LATS2: variants seen among roughly 807,000 people sequenced by gnomAD.
LATS2 encodes the protein serine/threonine-protein kinase LATS2.
Under a neutral mutation model 76.0 loss-of-function variants are expected in LATS2, and 24 were observed. That is an observed-to-expected ratio of 0.32 (90% CI 0.23 to 0.44). LATS2 has a LOEUF of 0.44. Ranked by LOEUF, LATS2 falls within the 20% of genes least tolerant of loss-of-function variation. The pLI is 1.00. For synonymous variants in LATS2, 692 were observed against 635.4 expected (o/e 1.09, Z -1.34); for missense variants, 1,286 against 1,481.2 (o/e 0.87, Z 2.16).
chr13:20,991,216 T>C lies in LATS2; in HGVS notation c.475+56A>G, dbSNP rs1025121422. On this transcript the variant is annotated intron_variant, in intron 3 of 7. Coordinates refer to ENST00000382592, the MANE Select transcript of LATS2 (RefSeq NM_014572.3). This position sits in a 1 kb window ranked among gnomAD's most constrained non-coding sequence, Gnocchi z 4.9. ...GGTTGGACCCCTCTGCACGTGGTTTTGTTGTCCTTAAGCCACAAACCATCT... is the reference window on the plus strand; with the variant it reads ...GGTTGGACCCCTCTGCACGTGGTTTCGTTGTCCTTAAGCCACAAACCATCT... The C allele has an allele frequency of 1.9e-6, 3 of 1,608,178 alleles. No individual in the cohort carries two copies. The highest frequency in any genetic ancestry group is 2.6e-6 in the Non-Finnish European group (3 of 1,176,472).
chr13:21,026,848 A>G lies in LATS2; in HGVS notation c.342+18837T>C, dbSNP rs550223790. Among the ~76,000 whole-genome samples the G allele has an allele frequency of 1.2e-4, 19 of 152,362 alleles. No individual in the cohort carries two copies. The South Asian group carries it at 3.9e-3, about 32-fold the overall frequency. ...TGCTTTACAATTCTATGTGAATTTT[A>G]AGAAAATTCCAATTGCTGTACATTC... On this transcript the variant is annotated intron_variant, in intron 2 of 7. Coordinates refer to ENST00000382592, the MANE Select transcript of LATS2 (RefSeq NM_014572.3).
chr13:21,008,072 T>A (rs1438137829), intron 2 of LATS2, among the ~76,000 whole-genome samples: 2 of 151,886 alleles, frequency 1.3e-5, no homozygotes, highest in African/African-American at 4.8e-5. Flanking sequence ...ACTTCTGTTT[T>A]AAAAGGCCCA....
chr13:21,012,224 A>G (rs1193195981), intron 2 of LATS2, among the ~76,000 whole-genome samples: 1 of 152,218 alleles, frequency 6.6e-6, no homozygotes, highest in Non-Finnish European at 1.5e-5. Flanking sequence ...ATGCATATCT[A>G]TATAGGACAC....
chr13:20,988,591 G>A lies in LATS2; in HGVS notation c.1189C>T (p.Arg397Trp), dbSNP rs1167109745. 1 of 1,589,396 alleles carries A rather than the reference G, an allele frequency of 6.3e-7. No homozygotes were observed. ...CTGCTGGGCACTGGGCAGTCAGGCCGGAAGGCCACGTGCGCGCGCGGCGGC... is the reference window on the plus strand; with the variant it reads ...CTGCTGGGCACTGGGCAGTCAGGCCAGAAGGCCACGTGCGCGCGCGGCGGC... The part of the protein sequence containing the change: ...EAPPRAHVAF[R>W]PDCPVPSRTN... Residue 397 changes from arginine to tryptophan, a missense_variant, in exon 4 of 8, where the codon CGG (arginine) becomes TGG (tryptophan). By Grantham distance (101) the Arg-to-Trp change is moderately radical. Transcript: ENST00000382592.
chr13:21,039,005 C>T (rs1020386737), intron 2 of LATS2, among the ~76,000 whole-genome samples: 10 of 152,106 alleles, frequency 6.6e-5, no homozygotes, highest in African/African-American at 2.2e-4. Flanking sequence ...AAACTAGGAG[C>T]AAGGCTTAAG....
chr13:21,010,201 A>AAAACAAAC (rs56383441), intron 2 of LATS2, among the ~76,000 whole-genome samples: 24,896 of 150,508 alleles, frequency 0.17, 2,928 homozygotes, highest in East Asian at 0.44. Context: ...CTCTGTCAAA[A>AAAACAAAC]AAACAAACAA....
chr13:21,058,896 T>C (rs1029967632), intron 1 of LATS2, among the ~76,000 whole-genome samples: 8 of 152,140 alleles, frequency 5.3e-5, no homozygotes, highest in African/African-American at 1.9e-4. Context: ...CGTTCTCATT[T>C]TGGAATATTT....
At chr13:21,034,417 C>G (rs1300013558) in intron 2 of LATS2, among the ~76,000 whole-genome samples, 1 of 152,130 alleles carries the variant, frequency 6.6e-6, no homozygotes, top group Non-Finnish European at 1.5e-5. Context: ...TGGGTCCTGA[C>G]CGGGGAGGTG....
chr13:21,016,892 A>C (rs1421746964), intron 2 of LATS2, among the ~76,000 whole-genome samples: 1 of 152,238 alleles, frequency 6.6e-6, no homozygotes, highest in Non-Finnish European at 1.5e-5. Context: ...CCTGTTGTTA[A>C]GTCCGGTTCC....
intron 3 of LATS2, 42 bp from the exon 4 acceptor site, chr13:20,989,346 G>T (rs112984747): frequency 7.5e-6 from 12 of 1,605,662 alleles, no homozygotes; most frequent in Non-Finnish European, 1.0e-5. Flanking sequence ...GAGTGGGTGT[G>T]ATCAGTGGGT....
intron 2 of LATS2, among the ~76,000 whole-genome samples, chr13:21,022,751 G>T (rs978153652): frequency 1.1e-4 from 16 of 152,070 alleles, no homozygotes; most frequent in African/African-American, 3.9e-4. Flanking sequence ...ATGAGAGTGG[G>T]GATTTATGTG....
intron 1 of LATS2, among the ~76,000 whole-genome samples, chr13:21,049,839 G>T (rs1227745826): frequency 6.6e-6 from 1 of 152,150 alleles, no homozygotes; most frequent in African/African-American, 2.4e-5. Context: ...AAGGGAAGCT[G>T]GCCGGGCACT....
chr13:20,994,108 ACTC>A (rs1211405630), intron 2 of LATS2, among the ~76,000 whole-genome samples: 1 of 152,178 alleles, frequency 6.6e-6, no homozygotes. Flanking sequence ...AGCACCCACT[ACTC>A]AAGATGTGTA....
chr13:21,048,121 G>A (rs1016465602), intron 1 of LATS2, among the ~76,000 whole-genome samples: 2 of 152,180 alleles, frequency 1.3e-5, no homozygotes, highest in African/African-American at 4.8e-5. Flanking sequence ...GTAAAATGGG[G>A]CATATTGCAG....
intron 2 of LATS2, among the ~76,000 whole-genome samples, chr13:21,016,377 AG>A (rs1264003684): frequency 1.3e-5 from 2 of 151,960 alleles, no homozygotes; most frequent in Non-Finnish European, 2.9e-5. Flanking sequence ...TCAGCCTCCC[AG>A]GTTCAAGCAA....
intron 2 of LATS2, among the ~76,000 whole-genome samples, chr13:21,039,508 C>T (rs1872793187): frequency 6.6e-6 from 1 of 152,102 alleles, no homozygotes; most frequent in East Asian, 1.9e-4. Context: ...AAATAAATAT[C>T]CCGAGGAGAT....
At chr13:20,985,884 A>T (rs1870117864) in intron 4 of LATS2, among the ~76,000 whole-genome samples, 1 of 152,164 alleles carries the variant, frequency 6.6e-6, no homozygotes, top group South Asian at 2.1e-4. Context: ...TGTCTCTACA[A>T]AAACATAAAA....
At position 20,991,719 on chromosome 13, in the gene LATS2, TG is replaced by T. The variant is rs1250814592; in HGVS notation, c.343-316del. 6.6e-6 allele frequency among the ~76,000 whole-genome samples: 1 copy of T among 152,214 alleles called. No individual in the cohort carries two copies. The highest frequency in any genetic ancestry group is 1.5e-5 in the Non-Finnish European group (1 of 68,022). On this transcript the variant is annotated intron_variant, in intron 2 of 7. Transcript: ENST00000382592. The surrounding 1 kb of genome is among the most constrained non-coding windows in gnomAD (Gnocchi z 4.9). ...CCTCAGAAAACTTTTGTGGTTGGAC[TG>T]GTGAGTTCAGGATGAACCTAAAACT... is the stretch of plus-strand genomic sequence containing the variant.
chr13:21,012,603 T>C (rs938525188), intron 2 of LATS2, among the ~76,000 whole-genome samples: 12 of 152,258 alleles, frequency 7.9e-5, no homozygotes, highest in Admixed American at 1.3e-4. Flanking sequence ...GTAGTGTTCC[T>C]ATCTTATGAT....
Sources: allele counts gnomAD v4.1 joint callset (sites outside exome capture counted in the v4.1 genomes callset), GRCh38; gene constraint gnomAD v4.1.1; non-coding constraint Gnocchi (gnomAD v3.1); transcripts MANE v1.5; gene names NCBI Gene and HGNC (gene_info 2026-07-23, HGNC 2026-07-21).